Variants in SLC47A1 observed in about 807,000 individuals in gnomAD.
SLC47A1 encodes the protein multidrug and toxin extrusion protein 1.
SLC47A1 carries 58 observed loss-of-function variants against 65.8 expected under a neutral mutation model. The observed-to-expected ratio is 0.88, with a 90% CI of 0.71 to 1.10. SLC47A1 has a LOEUF of 1.10. SLC47A1 is among the 50% of genes least tolerant of loss of function. The probability of loss-of-function intolerance (pLI) is 0.00; values close to 1 mark genes in which losing one functional copy is unlikely to be tolerated. For synonymous variants in SLC47A1, 285 were observed against 295.0 expected (o/e 0.97, Z 0.35); for missense variants, 706 against 719.2 (o/e 0.98, Z 0.21).
intron 16 of SLC47A1, among the ~76,000 whole-genome samples, chr17:19,576,712 G>C (rs921831356): frequency 6.6e-6 from 1 of 151,294 alleles, no homozygotes; most frequent in Non-Finnish European, 1.5e-5. Flanking sequence ...ATGGGTGTTG[G>C]CTCCTTGAAA....
intron 2 of SLC47A1, among the ~76,000 whole-genome samples, chr17:19,543,562 T>G (rs1916210093): frequency 6.6e-6 from 1 of 151,990 alleles, no homozygotes; most frequent in Admixed American, 6.6e-5. Flanking sequence ...TTACTGAGAG[T>G]CCTAATCTAG....
intron 3 of SLC47A1, 88 bp from the exon 4 acceptor site, chr17:19,547,897 C>T (rs35453480): frequency 8.3e-6 from 12 of 1,440,910 alleles, no homozygotes; most frequent in Non-Finnish European, 1.1e-5. Flanking sequence ...CAACCTGCTT[C>T]TTTGTGTGGC....
At chr17:19,556,716 G>A (rs963005514) in intron 10 of SLC47A1, among the ~76,000 whole-genome samples, 5 of 151,936 alleles carry the variant, frequency 3.3e-5, no homozygotes, top group Admixed American at 6.6e-5. Flanking sequence ...CTGCCACCAC[G>A]CCCAGCTAAT....
At chr17:19,571,441 T>C (rs1228928721) in intron 14 of SLC47A1, 37 bp from the exon 15 acceptor site, 3 of 1,578,770 alleles carry the variant, frequency 1.9e-6, no homozygotes, top group East Asian at 4.5e-5. Context: ...GCTGGTTTTC[T>C]ATGGAATTAA....
intron 1 of SLC47A1, among the ~76,000 whole-genome samples, chr17:19,536,934 G>C (rs1411760412): frequency 2.0e-5 from 3 of 152,232 alleles, no homozygotes; most frequent in Admixed American, 2.0e-4. Flanking sequence ...CAATGGAAAT[G>C]TGAGCCGAAT....
chr17:19,557,663 A>G (rs750330159), intron 10 of SLC47A1: 4 of 515,598 alleles, frequency 7.8e-6, no homozygotes. Flanking sequence ...TTACCCGTAG[A>G]TGTAGTGAGG....
At chr17:19,562,995 G>C (rs1447321246) in intron 12 of SLC47A1, among the ~76,000 whole-genome samples, 3 of 151,886 alleles carry the variant, frequency 2.0e-5, no homozygotes, top group African/African-American at 7.3e-5. Flanking sequence ...AGACTACTTT[G>C]CACAACTTTT....
In SLC47A1 at chr17:19,579,001, A is replaced by C. The variant is rs2084460500; in HGVS notation, c.*1448A>C. ...TCTACATGGATGCCCTGAACATGCA[A>C]TTCTTTCTTCCAAAATAAAACATTA... On this transcript the variant is annotated 3_prime_UTR_variant, in exon 17 of 17. Coordinates refer to ENST00000270570, the MANE Select transcript of SLC47A1 (RefSeq NM_018242.3). 1 of 152,238 alleles carries C rather than the reference A, an allele frequency of 6.6e-6. No individual in the cohort carries two copies. The highest frequency in any genetic ancestry group is 1.5e-5 in the Non-Finnish European group (1 of 68,038). The allele number at this position is 152,238 out of a possible 1,614,324, so 9.4% of individuals were successfully genotyped here. A position where few individuals can be genotyped will look rare whatever the true frequency, so the allele number is the denominator to read the frequency against.
chr17:19,574,234 T>G (rs1597514789), intron 16 of SLC47A1, among the ~76,000 whole-genome samples: 1 of 152,124 alleles, frequency 6.6e-6, no homozygotes, highest in Non-Finnish European at 1.5e-5. Context: ...GGTTCATCCT[T>G]AAGTCTTGGA....
intron 14 of SLC47A1, among the ~76,000 whole-genome samples, chr17:19,569,481 C>A (rs1344059298): frequency 6.6e-6 from 1 of 152,144 alleles, no homozygotes; most frequent in African/African-American, 2.4e-5. Flanking sequence ...AGCCTATAGT[C>A]AATCCCCCCC....
intron 15 of SLC47A1, 116 bp downstream of exon 15, chr17:19,571,688 C>G (rs2084401230): frequency 1.4e-6 from 1 of 723,320 alleles, no homozygotes; most frequent in Non-Finnish European, 2.3e-6. Context: ...ATTCTTATCT[C>G]ATGAATACTA....
intron 12 of SLC47A1, among the ~76,000 whole-genome samples, chr17:19,565,377 C>T (rs754968571): frequency 6.6e-6 from 1 of 152,104 alleles, no homozygotes; most frequent in Non-Finnish European, 1.5e-5. Context: ...ATGATCATAG[C>T]ATCCAAACTT....
intron 1 of SLC47A1, among the ~76,000 whole-genome samples, chr17:19,536,428 G>A (rs1418313213): frequency 1.3e-5 from 2 of 151,920 alleles, no homozygotes; most frequent in South Asian, 2.1e-4. Context: ...GTATACCATT[G>A]TGTTTATTAC....
intron 4 of SLC47A1, among the ~76,000 whole-genome samples, chr17:19,549,347 C>T (rs972346372): frequency 4.0e-5 from 6 of 151,862 alleles, no homozygotes; most frequent in African/African-American, 9.7e-5. Context: ...TACAGGTGGC[C>T]GCCACCACAC....
intron 6 of SLC47A1, among the ~76,000 whole-genome samples, chr17:19,553,619 G>A (rs1200678524): frequency 2.0e-5 from 3 of 148,556 alleles, no homozygotes; most frequent in Admixed American, 6.8e-5. Flanking sequence ...TCGGCTCACT[G>A]CAACCTCCAC....
chr17:19,547,708 A>G (rs1308916625), intron 3 of SLC47A1, among the ~76,000 whole-genome samples: 1 of 132,332 alleles, frequency 7.6e-6, no homozygotes, highest in Non-Finnish European at 1.6e-5. Flanking sequence ...GTCTAGGGCC[A>G]TGGGCTTCTT....
At chr17:19,542,792 G>T (rs1428652778) in intron 2 of SLC47A1, among the ~76,000 whole-genome samples, 6 of 118,440 alleles carry the variant, frequency 5.1e-5, no homozygotes, top group African/African-American at 2.0e-4. Context: ...ATTTTATTTT[G>T]TTGTTTTTTT....
chr17:19,560,140 C>T (rs1260937360), intron 10 of SLC47A1, 48 bp from the exon 11 acceptor site: 13 of 1,391,998 alleles, frequency 9.3e-6, no homozygotes, highest in Admixed American at 4.0e-5. Context: ...CACGTGTTCT[C>T]GCTCTGCAGT....
intron 3 of SLC47A1, 75 bp downstream of exon 3, chr17:19,546,578 G>A: frequency 6.9e-7 from 1 of 1,442,028 alleles, no homozygotes; most frequent in Non-Finnish European, 9.6e-7. Flanking sequence ...AGCTCCACTG[G>A]CAGGAAGAGT....
Sources: allele counts gnomAD v4.1 joint callset (sites outside exome capture counted in the v4.1 genomes callset), GRCh38; gene constraint gnomAD v4.1.1; transcripts MANE v1.5; gene names NCBI Gene and HGNC (gene_info 2026-07-23, HGNC 2026-07-21).